The following HDAC9 variants were observed in gnomAD, a reference collection of about 807,000 sequenced individuals.
HDAC9 encodes MEF-2 interacting transcription repressor (MITR) protein.
HDAC9 carries 41 observed loss-of-function variants against 139.4 expected under a neutral mutation model. The observed-to-expected ratio is 0.29, with a 90% CI of 0.23 to 0.38. The LOEUF is 0.38. Among genes scored for constraint, HDAC9 ranks in the 10% least tolerant of loss-of-function variants. HDAC9 has a pLI of 1.00. For synonymous variants in HDAC9, 517 were observed against 476.2 expected, an observed-to-expected ratio of 1.09 and a Z score of -1.12; for missense variants, 1,147 against 1,297.0, an observed-to-expected ratio of 0.88 and a Z score of 1.78.
At chr7:18,940,778 C>T (rs559814292) in intron 23 of HDAC9, among the ~76,000 whole-genome samples, 4 of 152,240 alleles carry the variant, frequency 2.6e-5, no homozygotes, top group African/African-American at 7.2e-5. Flanking sequence ...AGTGGCACCC[C>T]GGGTTACTTC....
intron 6 of HDAC9, among the ~76,000 whole-genome samples, chr7:18,609,926 G>C (rs1429921660): frequency 6.6e-6 from 1 of 152,084 alleles, no homozygotes; most frequent in African/African-American, 2.4e-5. Flanking sequence ...ATGGTTTCCA[G>C]CTTCATCCAT....
chr7:18,574,497 C>T (rs1237935760), intron 2 of HDAC9, among the ~76,000 whole-genome samples: 1 of 152,192 alleles, frequency 6.6e-6, no homozygotes, highest in East Asian at 1.9e-4. Flanking sequence ...GACAGCCTGG[C>T]CCCCAGGATT....
chr7:18,592,994 A>G (rs143006767), intron 5 of HDAC9, among the ~76,000 whole-genome samples: 8 of 152,236 alleles, frequency 5.3e-5, no homozygotes, highest in African/African-American at 1.7e-4. Context: ...TAGCTCTCAC[A>G]TGTTACTTAG....
chr7:18,090,318 TATAC>T (rs1475884525), intron 1 of HDAC9, among the ~76,000 whole-genome samples: 1 of 152,220 alleles, frequency 6.6e-6, no homozygotes, highest in Admixed American at 6.5e-5. Flanking sequence ...TGGTCATCTT[TATAC>T]ATGTGCAGAT....
chr7:18,637,237 A>G (rs1449376098), intron 8 of HDAC9, among the ~76,000 whole-genome samples: 1 of 152,114 alleles, frequency 6.6e-6, no homozygotes, highest in Non-Finnish European at 1.5e-5. Flanking sequence ...AAGGGGGAAA[A>G]CATGATTTGA....
chr7:18,609,805 G>A (rs1260748357), intron 6 of HDAC9, among the ~76,000 whole-genome samples: 9 of 125,406 alleles, frequency 7.2e-5, no homozygotes, highest in Admixed American at 1.9e-4. Flanking sequence ...GACAGGCCCC[G>A]GTGTGTGATG....
At chr7:18,526,273 C>CA in intron 2 of HDAC9, among the ~76,000 whole-genome samples, 1 of 152,252 alleles carries the variant, frequency 6.6e-6, no homozygotes, top group Non-Finnish European at 1.5e-5. Flanking sequence ...GACTGATATA[C>CA]AAGTCTCCCC....
chr7:18,520,707 G>A (rs1804756936), intron 2 of HDAC9, among the ~76,000 whole-genome samples: 1 of 152,168 alleles, frequency 6.6e-6, no homozygotes, highest in Non-Finnish European at 1.5e-5. Flanking sequence ...TACCGTAAAT[G>A]TCTTGGAAAC....
At chr7:18,157,744 C>T (rs1044162931) in intron 1 of HDAC9, among the ~76,000 whole-genome samples, 13 of 146,504 alleles carry the variant, frequency 8.9e-5, no homozygotes, top group African/African-American at 2.8e-4. Context: ...ATGTTAAGAG[C>T]GGTTTTCTAA....
At chr7:18,712,604 C>T (rs1248164989) in intron 12 of HDAC9, among the ~76,000 whole-genome samples, 1 of 152,148 alleles carries the variant, frequency 6.6e-6, no homozygotes, top group African/African-American at 2.4e-5. Flanking sequence ...GATGACTCTG[C>T]TGAAGAACCA....
chr7:18,166,065 C>G (rs1160921123), intron 2 of HDAC9, among the ~76,000 whole-genome samples: 1 of 152,122 alleles, frequency 6.6e-6, no homozygotes, highest in Non-Finnish European at 1.5e-5. Flanking sequence ...ATAAATTGGG[C>G]TACATCAACC....
intron 24 of HDAC9, among the ~76,000 whole-genome samples, chr7:18,971,890 G>A (rs969960728): frequency 1.3e-5 from 2 of 152,136 alleles, no homozygotes; most frequent in African/African-American, 2.4e-5. Flanking sequence ...ATACATATGG[G>A]CCAAAATTTA....
chr7:18,945,893 T>C (rs1033729318), intron 23 of HDAC9, among the ~76,000 whole-genome samples: 9 of 151,480 alleles, frequency 5.9e-5, no homozygotes, highest in South Asian at 2.1e-4. Context: ...AAAAATTAGC[T>C]GGGCGTGGTG....
chr7:18,255,781 A>G (rs1387725518), intron 2 of HDAC9, among the ~76,000 whole-genome samples: 2 of 151,878 alleles, frequency 1.3e-5, no homozygotes, highest in East Asian at 3.9e-4. Flanking sequence ...GGCACGCACC[A>G]TCACGCCCAG....
chr7:18,221,845 A>T (rs1792729800), intron 2 of HDAC9, among the ~76,000 whole-genome samples: 1 of 152,172 alleles, frequency 6.6e-6, no homozygotes, highest in East Asian at 1.9e-4. Context: ...GAAATTCACT[A>T]AATTGGGTAG....
chr7:18,324,239 G>A (rs1800261454), intron 1 of HDAC9, among the ~76,000 whole-genome samples: 1 of 152,134 alleles, frequency 6.6e-6, no homozygotes, highest in South Asian at 2.1e-4. Context: ...GAGAGAAAGT[G>A]CAGTCAAGAT....
intron 1 of HDAC9, among the ~76,000 whole-genome samples, chr7:18,382,890 T>A (rs1422794208): frequency 6.6e-6 from 1 of 152,208 alleles, no homozygotes; most frequent in Non-Finnish European, 1.5e-5. Flanking sequence ...TGTATGAGTG[T>A]GTATGTATAT....
intron 2 of HDAC9, among the ~76,000 whole-genome samples, chr7:18,216,393 C>T (rs1057101670): frequency 5.3e-5 from 8 of 152,010 alleles, no homozygotes; most frequent in African/African-American, 1.7e-4. Flanking sequence ...CTTTTTCTAT[C>T]GTATTGGTAA....
intron 12 of HDAC9, among the ~76,000 whole-genome samples, chr7:18,713,485 A>G (rs1045184559): frequency 6.6e-6 from 1 of 152,194 alleles, no homozygotes; most frequent in African/African-American, 2.4e-5. Flanking sequence ...GTATACACAG[A>G]TCAAACATCA....
Sources: gnomAD v4.1 joint callset for allele counts (sites outside exome capture counted in the v4.1 genomes callset) on GRCh38, gnomAD v4.1.1 for gene constraint, MANE v1.5 for transcripts, NCBI Gene and HGNC (gene_info 2026-07-23, HGNC 2026-07-21) for gene names.